Variants in NUP58 observed in about 807,000 individuals in gnomAD.
NUP58 encodes the protein nucleoporin p58/p45.
In NUP58, 17 loss-of-function variants were observed where a neutral mutation model predicts 70.1. That is an observed-to-expected ratio of 0.24 (90% CI 0.17 to 0.36). NUP58 has a LOEUF of 0.36. NUP58 is among the 10% of genes least tolerant of loss of function. NUP58 has a pLI of 1.00. For synonymous variants in NUP58, 275 were observed against 257.6 expected, an observed-to-expected ratio of 1.07 and a Z score of -0.65; for missense variants, 644 against 701.5, an observed-to-expected ratio of 0.92 and a Z score of 0.93.
rs2031860941 is a variant in NUP58 at position 25,338,570 on chromosome 13, C to T, written c.1535-66C>T. ...AGACCTCTGATGATTTTCGGTTGTACTTGTCCATATCCTTTAACCTGTGTT... is the reference window on the plus strand; with the variant it reads ...AGACCTCTGATGATTTTCGGTTGTATTTGTCCATATCCTTTAACCTGTGTT... On this transcript the variant is annotated intron_variant, in intron 14 of 15. Transcript: ENST00000381736. The T allele has an allele frequency of 5.0e-6, 6 of 1,190,602 alleles. 1 individual carries two copies. Among genetic ancestry groups the T allele is most frequent in the African/African-American group, 1.5e-5 (1 of 66,040 alleles). The allele number at this position is 1,190,602 out of a possible 1,614,324, so 73.8% of individuals were successfully genotyped here.
At chr13:25,325,508 T>G (rs779662035) in intron 10 of NUP58, among the ~76,000 whole-genome samples, 1 of 152,358 alleles carries the variant, frequency 6.6e-6, no homozygotes, top group South Asian at 2.1e-4. Context: ...ATGTAAAATA[T>G]ATCTTGCCTG....
chr13:25,330,159 G>A (rs1314817323), intron 12 of NUP58, among the ~76,000 whole-genome samples: 2 of 152,148 alleles, frequency 1.3e-5, no homozygotes, highest in Non-Finnish European at 2.9e-5. Context: ...TTGGTCTTAA[G>A]TTTCTAAGGT....
At chr13:25,326,802 G>T in intron 10 of NUP58, 114 bp from the exon 11 acceptor site, 1 of 510,728 alleles carries the variant, frequency 2.0e-6, no homozygotes. Flanking sequence ...CCTTTCCTTG[G>T]ATAACCTTGA....
chr13:25,332,799 T>C (rs755283175), intron 13 of NUP58: 18 of 985,288 alleles, frequency 1.8e-5, no homozygotes, highest in Admixed American at 6.1e-5. Flanking sequence ...TGTTAAGTTA[T>C]GGAGGGAAAA....
In NUP58 at chr13:25,341,698, A is replaced by T. The variant is rs968467214; in HGVS notation, c.*1564A>T. The T allele has an allele frequency of 2.0e-5, 3 of 152,624 alleles. No homozygotes were observed. The highest frequency in any genetic ancestry group is 7.2e-5 in the African/African-American group (3 of 41,446). The allele number at this position is 152,624 out of a possible 1,614,324, so 9.5% of individuals were successfully genotyped here. On this transcript the variant is annotated 3_prime_UTR_variant, in exon 16 of 16. Coordinates refer to ENST00000381736, the MANE Select transcript of NUP58 (RefSeq NM_014089.4). Reference sequence around the variant, plus strand: ...GGTGGATATAAAAGAAAACCCTTGGAAAGAGAACTGCCTTAGCCATGATTT... The same window carrying T: ...GGTGGATATAAAAGAAAACCCTTGGTAAGAGAACTGCCTTAGCCATGATTT...
chr13:25,333,402 C>A, intron 13 of NUP58: 1 of 985,348 alleles, frequency 1.0e-6, no homozygotes, highest in African/African-American at 1.7e-5. Context: ...TTTTGCCAGG[C>A]TTTGGGGAAA....
At chr13:25,329,794 G>C (rs138421244) in intron 12 of NUP58, among the ~76,000 whole-genome samples, 1 of 152,076 alleles carries the variant, frequency 6.6e-6, no homozygotes, top group African/African-American at 2.4e-5. Context: ...AATCATGGCT[G>C]ATGTCAAGGT....
chr13:25,320,649 CTT>C, intron 8 of NUP58, 54 bp downstream of exon 8: 10 of 1,291,272 alleles, frequency 7.7e-6, no homozygotes, highest in African/African-American at 1.5e-5. Context: ...TAGAATACTT[CTT>C]AAGGGGAGCA....
At position 25,313,048 on chromosome 13, in the gene NUP58, A is replaced by C; in HGVS notation, c.436+16A>C. On this transcript the variant is annotated intron_variant, in intron 4 of 15. Transcript: ENST00000381736. ...ACTCCAGCAGGTGAGGCAGAATGAA[A>C]AACCGTTGCATTTAATGGTTAAATT... 6.2e-7 allele frequency: 1 copy of C among 1,609,186 alleles called. No homozygotes were observed. Among genetic ancestry groups the C allele is most frequent in the Non-Finnish European group, 8.5e-7 (1 of 1,178,566 alleles).
chr13:25,327,505 A>G lies in NUP58; in HGVS notation c.1226A>G (p.Asn409Ser). The change falls in exon 12 of 16, where the codon AAT becomes AGT. Residue 409 changes from asparagine to serine, a missense_variant. By Grantham distance (46) the Asn-to-Ser change is conservative (BLOSUM62 1). Transcript: ENST00000381736. ...LAAQLQSIHE[N>S]VKVLKEQYLG... Reference sequence around the variant, plus strand: ...GCACAACTTCAGTCTATTCATGAAAATGTAAAGGTAAGTTTTCATTACCCA... The same window carrying G: ...GCACAACTTCAGTCTATTCATGAAAGTGTAAAGGTAAGTTTTCATTACCCA... 1.2e-6 allele frequency: 2 copies of G among 1,607,442 alleles called. No individual in the cohort carries two copies. Among genetic ancestry groups the G allele is most frequent in the Non-Finnish European group, 8.5e-7 (1 of 1,176,096 alleles).
chr13:25,337,688 T>C (rs2031831996), intron 14 of NUP58, among the ~76,000 whole-genome samples: 1 of 152,196 alleles, frequency 6.6e-6, no homozygotes, highest in Admixed American at 6.5e-5. Flanking sequence ...ATGAATAAGT[T>C]GCCCTTATTT....
At chr13:25,320,630 G>T (rs1281168379) in intron 8 of NUP58, 35 bp downstream of exon 8, 3 of 1,454,476 alleles carry the variant, frequency 2.1e-6, no homozygotes, top group Non-Finnish European at 2.9e-6. Flanking sequence ...AATAACACTT[G>T]AAGAATTCTA....
chr13:25,305,138 T>TGTTTGTTTG (rs2030263921), intron 1 of NUP58, among the ~76,000 whole-genome samples: 3 of 16,064 alleles, frequency 1.9e-4, no homozygotes, highest in East Asian at 2.0e-3. Flanking sequence ...GGGTTTTTTT[T>TGTTTGTTTG]TTTTTTTTTT....
rs552785059 is a variant in NUP58 at position 25,325,125 on chromosome 13, A to AT, written c.1031+57_1031+58insT. ...TCTCACTTTCAGAAAGCAGAACAGT[A>AT]ATAATAGTATACAAACTAAATATTT... is the stretch of plus-strand genomic sequence containing the variant. On this transcript the variant is annotated intron_variant, in intron 10 of 15. Transcript: ENST00000381736. 358 of 1,202,594 alleles carry AT rather than the reference A, an allele frequency of 3.0e-4. No homozygotes were observed. The East Asian group carries it at 7.3e-3, about 25-fold the overall frequency. 74.5% of individuals were successfully genotyped at this position (1,202,594 alleles called of 1,614,324 possible).
At chr13:25,335,650 A>C (rs2031754168) in intron 13 of NUP58, 1 of 985,254 alleles carries the variant, frequency 1.0e-6, no homozygotes, top group Non-Finnish European at 1.2e-6. Context: ...TCTGGGTTAG[A>C]AGCTATTCGA....
At chr13:25,333,410 A>G in intron 13 of NUP58, 1 of 985,314 alleles carries the variant, frequency 1.0e-6, no homozygotes, top group Non-Finnish European at 1.2e-6. Context: ...GGCTTTGGGG[A>G]AATTGACTGC....
chr13:25,307,059 G>C (rs1292102777), intron 1 of NUP58, among the ~76,000 whole-genome samples: 1 of 152,038 alleles, frequency 6.6e-6, no homozygotes, highest in Non-Finnish European at 1.5e-5. Flanking sequence ...AGCTAGTGAA[G>C]ATAATTTAAA....
At chr13:25,324,725 A>T (rs1426321544) in intron 9 of NUP58, among the ~76,000 whole-genome samples, 1 of 152,226 alleles carries the variant, frequency 6.6e-6, no homozygotes, top group African/African-American at 2.4e-5. Flanking sequence ...AAATGAATTC[A>T]CTTCGTGAAT....
At chr13:25,313,804 C>A in intron 5 of NUP58, 53 bp downstream of exon 5, 1 of 1,379,328 alleles carries the variant, frequency 7.2e-7, no homozygotes, top group Non-Finnish European at 9.6e-7. Context: ...TTTAAATGTA[C>A]TTATTTTTAT....
Sources: allele counts gnomAD v4.1 joint callset (sites outside exome capture counted in the v4.1 genomes callset), GRCh38; gene constraint gnomAD v4.1.1; transcripts MANE v1.5; gene names NCBI Gene and HGNC (gene_info 2026-07-23, HGNC 2026-07-21).